The following TDRD9 variants were observed in gnomAD, a reference collection of about 807,000 sequenced individuals.
TDRD9 encodes the protein tudor domain containing 9.
Under a neutral mutation model 172.6 loss-of-function variants are expected in TDRD9, and 124 were observed. The observed-to-expected ratio is 0.72, with a 90% CI of 0.62 to 0.83. The LOEUF (loss-of-function observed/expected upper bound fraction) is 0.83. Among genes scored for constraint, TDRD9 ranks in the 40% least tolerant of loss-of-function variants. The pLI is 0.00. For missense variants in TDRD9, 1,479 were observed against 1,714.1 expected (o/e 0.86, Z 2.42); for synonymous variants, 619 against 617.1 (o/e 1.00, Z -0.05).
intron 34 of TDRD9, 41 bp from the exon 35 acceptor site, chr14:104,049,567 C>T (rs1396223020): frequency 5.5e-6 from 8 of 1,459,724 alleles, no homozygotes; most frequent in Non-Finnish European, 6.5e-6. Flanking sequence ...TTTTCAGTTA[C>T]TAATATATAA....
At chr14:103,929,985 G>A (rs149699453) in intron 1 of TDRD9, among the ~76,000 whole-genome samples, 20 of 152,254 alleles carry the variant, frequency 1.3e-4, no homozygotes, top group African/African-American at 4.6e-4. Context: ...CTTGATTTGG[G>A]TGGAAATAAA....
intron 30 of TDRD9, 73 bp from the exon 31 acceptor site, chr14:104,033,887 C>A: frequency 2.2e-6 from 2 of 906,128 alleles, no homozygotes; most frequent in Non-Finnish European, 3.5e-6. Context: ...AAATGGGTTG[C>A]TTGTGGGTTG....
At chr14:103,941,906 T>C (rs1362203613) in intron 1 of TDRD9, among the ~76,000 whole-genome samples, 1 of 152,200 alleles carries the variant, frequency 6.6e-6, no homozygotes, top group Admixed American at 6.5e-5. Context: ...GAAAATGCTT[T>C]TATGTAGCTT....
chr14:104,022,375 C>G (rs781505623), intron 24 of TDRD9, 45 bp downstream of exon 24: 1 of 1,572,200 alleles, frequency 6.4e-7, no homozygotes, highest in Non-Finnish European at 8.7e-7. Flanking sequence ...CCTGCTTTCA[C>G]ATTCTCAGGT....
chr14:104,006,978 A>G, intron 18 of TDRD9, 133 bp downstream of exon 18: 1 of 974,542 alleles, frequency 1.0e-6, no homozygotes, highest in Non-Finnish European at 1.6e-6. Flanking sequence ...ATTGGTGTCC[A>G]GTGTTAAATT....
chr14:104,051,601 C>T (rs2035937139), intron 35 of TDRD9, among the ~76,000 whole-genome samples: 2 of 152,274 alleles, frequency 1.3e-5, no homozygotes, highest in South Asian at 4.1e-4. Context: ...TTCTCTGCAG[C>T]CTTGCCAACA....
chr14:104,029,535 C>G (rs1055177912), intron 28 of TDRD9, among the ~76,000 whole-genome samples: 6 of 152,172 alleles, frequency 3.9e-5, no homozygotes, highest in South Asian at 2.1e-4. Context: ...TATCCTGCAA[C>G]TTTTCTGAAT....
chr14:103,975,615 A>G, intron 7 of TDRD9, 62 bp downstream of exon 7: 3 of 1,471,038 alleles, frequency 2.0e-6, no homozygotes, highest in Non-Finnish European at 1.8e-6. Flanking sequence ...TCAAACCTGC[A>G]TTCATCACCT....
chr14:103,977,678 T>C (rs1292945558), intron 7 of TDRD9, among the ~76,000 whole-genome samples: 1 of 144,016 alleles, frequency 6.9e-6, no homozygotes, highest in East Asian at 2.1e-4. Context: ...TTTGATATAA[T>C]CCTATTTGTC....
At chr14:104,015,796 T>C (rs1313544715) in intron 21 of TDRD9, among the ~76,000 whole-genome samples, 185 bp from the exon 22 acceptor site, 6 of 152,230 alleles carry the variant, frequency 3.9e-5, no homozygotes, top group African/African-American at 1.2e-4. Context: ...TTAGTGTTTC[T>C]GTTAGATGAA....
At chr14:104,031,904 A>G in intron 29 of TDRD9, 113 bp from the exon 30 acceptor site, 1 of 706,548 alleles carries the variant, frequency 1.4e-6, no homozygotes, top group Non-Finnish European at 2.3e-6. Context: ...GACATTATGA[A>G]TGAGATGTCT....
At chr14:104,013,162 C>T (rs949284235) in intron 20 of TDRD9, among the ~76,000 whole-genome samples, 1 of 152,112 alleles carries the variant, frequency 6.6e-6, no homozygotes, top group Non-Finnish European at 1.5e-5. Context: ...TTATTCCCCC[C>T]AGTTATGTTC....
At chr14:103,995,896 T>C in intron 12 of TDRD9, 89 bp downstream of exon 12, 1 of 1,185,610 alleles carries the variant, frequency 8.4e-7, no homozygotes, top group Non-Finnish European at 1.2e-6. Context: ...GTTCTTCTCT[T>C]CCTTCCCATC....
At chr14:104,048,387 T>A (rs1278293042) in intron 34 of TDRD9, among the ~76,000 whole-genome samples, 2 of 152,190 alleles carry the variant, frequency 1.3e-5, no homozygotes. Flanking sequence ...TACAGGCATA[T>A]GTGACCACGC....
At chr14:104,048,186 T>C (rs2035836306) in intron 34 of TDRD9, among the ~76,000 whole-genome samples, 2 of 152,222 alleles carry the variant, frequency 1.3e-5, no homozygotes, top group Admixed American at 1.3e-4. Flanking sequence ...TGTAAGTCCA[T>C]CCCCTGTGAT....
Position 104,042,188 on chromosome 14 carries a change from G to A in TDRD9, c.3974+1G>A. The A allele has an allele frequency of 6.2e-7, 1 of 1,602,532 alleles. No individual in the cohort carries two copies. The highest frequency in any genetic ancestry group is 2.2e-5 in the East Asian group (1 of 44,694). On this transcript the variant is annotated splice_donor_variant, in intron 34 of 35. Coordinates refer to ENST00000409874, the MANE Select transcript of TDRD9 (RefSeq NM_153046.3). LOFTEE classifies it high-confidence loss of function. The stretch of plus-strand genomic sequence containing the variant: ...ACATTGCCCGTCAGAAGCTTTTAGG[G>A]TAAGCTGTGTGATGACGCGGGCTTC...
At chr14:104,026,281 A>T in intron 27 of TDRD9, 145 bp downstream of exon 27, 2 of 620,006 alleles carry the variant, frequency 3.2e-6, no homozygotes, top group East Asian at 2.7e-5. Flanking sequence ...TTGTCACAAT[A>T]GCCAAATTTG....
chr14:103,999,072 C>T (rs1181490815), intron 13 of TDRD9, among the ~76,000 whole-genome samples: 1 of 152,168 alleles, frequency 6.6e-6, no homozygotes, highest in African/African-American at 2.4e-5. Context: ...GGATTACAGG[C>T]GTGAGCCACC....
intron 33 of TDRD9, among the ~76,000 whole-genome samples, chr14:104,041,108 C>G (rs56687774): frequency 6.6e-6 from 1 of 151,888 alleles, no homozygotes; most frequent in Non-Finnish European, 1.5e-5. Flanking sequence ...ACTGAAGGGC[C>G]GGGGGAAAGG....
Sources: allele counts gnomAD v4.1 joint callset (sites outside exome capture counted in the v4.1 genomes callset), GRCh38; gene constraint gnomAD v4.1.1; transcripts MANE v1.5; gene names NCBI Gene and HGNC (gene_info 2026-07-23, HGNC 2026-07-21).